NAV1: variants seen among roughly 807,000 people sequenced by gnomAD.
NAV1 encodes pore membrane and/or filament interacting like protein 3.
In NAV1, 18 loss-of-function variants were observed where a neutral mutation model predicts 175.2. The ratio of observed to expected loss-of-function variants is 0.10; its 90% CI spans 0.07 to 0.15. The LOEUF is 0.15. Ranked by LOEUF, NAV1 falls within the 10% of genes least tolerant of loss-of-function variation. The pLI is 1.00. For missense variants in NAV1, 1,731 were observed against 2,436.6 expected, an observed-to-expected ratio of 0.71 and a Z score of 6.10; for synonymous variants, 897 against 978.7, an observed-to-expected ratio of 0.92 and a Z score of 1.56.
intron 1 of NAV1, among the ~76,000 whole-genome samples, chr1:201,572,022 G>A (rs1036202592): frequency 1.3e-5 from 2 of 152,140 alleles, no homozygotes; most frequent in African/African-American, 4.8e-5. Context: ...TCATCTGATC[G>A]CTCATTCCAC....
At chr1:201,627,012 G>A (rs556689816) in intron 1 of NAV1, among the ~76,000 whole-genome samples, 2 of 152,344 alleles carry the variant, frequency 1.3e-5, no homozygotes, top group African/African-American at 4.8e-5. Context: ...TGGCCCATAT[G>A]ACTGATGTAA....
chr1:201,647,596 C>T (rs1042256378), upstream of NAV1, among the ~76,000 whole-genome samples: 2 of 152,152 alleles, frequency 1.3e-5, no homozygotes, highest in South Asian at 2.1e-4. Flanking sequence ...CCCTCAGCCC[C>T]CTCCCCAGTC....
At chr1:201,642,759 C>G (rs1668837697) in intron 2 of NAV1, among the ~76,000 whole-genome samples, 1 of 136,074 alleles carries the variant, frequency 7.3e-6, no homozygotes, top group Non-Finnish European at 1.6e-5. Context: ...TCCTTCTTTT[C>G]TTTTCTTTTC....
At chr1:201,546,252 G>A (rs1665669287) in intron 1 of NAV1, among the ~76,000 whole-genome samples, 1 of 152,216 alleles carries the variant, frequency 6.6e-6, no homozygotes, top group South Asian at 2.1e-4. Flanking sequence ...CGTGCTGCCC[G>A]TTGGACCCTG....
chr1:201,600,952 T>C lies in NAV1; in HGVS notation c.-33+12303T>C, dbSNP rs77232838. ...CTCTGCCAAAGCTGTTCAGTAAACC[T>C]GCTGTTCTCTTTTCCTCTTCCCAAG... On this transcript the variant is annotated intron_variant, in intron 2 of 33. Transcript: ENST00000685211. Among the ~76,000 whole-genome samples the C allele has an allele frequency of 6.8e-3, 1,040 of 152,324 alleles. 15 individuals carry two copies. Among genetic ancestry groups the C allele is most frequent in the African/African-American group, 0.024 (998 of 41,548 alleles).
chr1:201,610,191 T>C (rs1667805249), intron 2 of NAV1, among the ~76,000 whole-genome samples: 1 of 152,202 alleles, frequency 6.6e-6, no homozygotes, highest in African/African-American at 2.4e-5. Context: ...CTGTGATTTG[T>C]GGGACAGTTT....
At chr1:201,581,212 C>G (rs1261106302) in intron 1 of NAV1, among the ~76,000 whole-genome samples, 1 of 152,094 alleles carries the variant, frequency 6.6e-6, no homozygotes, top group Non-Finnish European at 1.5e-5. Context: ...GTTTTTGTTA[C>G]GGTTCGAGTG....
intron 1 of NAV1, among the ~76,000 whole-genome samples, chr1:201,657,757 G>C (rs1336511): frequency 0.72 from 109,504 of 152,174 alleles, 39,635 homozygotes; most frequent in Admixed American, 0.78. Context: ...TCTGGCCAGG[G>C]AAAGTGGTTC....
chr1:201,703,486 T>G (rs662852), intron 1 of NAV1, among the ~76,000 whole-genome samples: 129,409 of 152,224 alleles, frequency 0.85, 55,078 homozygotes, highest in East Asian at 0.94. Context: ...GGTGGAGAAG[T>G]CAGGATAGCA....
intron 3 of NAV1, among the ~76,000 whole-genome samples, chr1:201,776,952 A>C (rs1296397939): frequency 6.6e-6 from 1 of 152,186 alleles, no homozygotes; most frequent in Non-Finnish European, 1.5e-5. Flanking sequence ...GAGACAAAAA[A>C]AAACAGGTCA....
rs190164708 is a variant in NAV1 at position 201,722,709 on chromosome 1, A to G, written c.1226+3954A>G. Among the ~76,000 whole-genome samples the G allele has an allele frequency of 5.9e-5, 9 of 152,322 alleles. No homozygotes were observed. The East Asian group carries it at 1.5e-3, about 26-fold the overall frequency. On this transcript the variant is annotated intron_variant, in intron 3 of 29. Coordinates refer to ENST00000367296, the Ensembl canonical transcript of NAV1. ...TTGAGGAACCACCATACCGTTTTCC[A>G]CAATGGCTGCACCATTTGATATTTC...
intron 1 of NAV1, among the ~76,000 whole-genome samples, chr1:201,583,863 G>A (rs1666943668): frequency 6.6e-6 from 1 of 152,158 alleles, no homozygotes; most frequent in Admixed American, 6.5e-5. Flanking sequence ...GAGCCAGTCA[G>A]GACCTTCAGC....
chr1:201,674,705 TGTG>T (rs1670175446), intron 1 of NAV1, among the ~76,000 whole-genome samples: 1 of 151,994 alleles, frequency 6.6e-6, no homozygotes, highest in South Asian at 2.1e-4. Context: ...AAGAGAGAGT[TGTG>T]GGGGTAAGTG....
chr1:201,766,402 G>C (rs1675212979), intron 3 of NAV1, among the ~76,000 whole-genome samples: 1 of 152,200 alleles, frequency 6.6e-6, no homozygotes, highest in Non-Finnish European at 1.5e-5. Flanking sequence ...ATGAGGAGTA[G>C]GAGAGGTTAC....
intron 1 of NAV1, among the ~76,000 whole-genome samples, chr1:201,660,442 C>T (rs982286066): frequency 1.3e-5 from 2 of 152,186 alleles, no homozygotes; most frequent in African/African-American, 4.8e-5. Flanking sequence ...GGCCTCCCTA[C>T]TTGGCACCCC....
intron 2 of NAV1, among the ~76,000 whole-genome samples, chr1:201,605,776 AG>A (rs1182109353): frequency 6.6e-6 from 1 of 152,154 alleles, no homozygotes; most frequent in African/African-American, 2.4e-5. Context: ...AGCTGCATCT[AG>A]GGGAGGGCTA....
At chr1:201,805,624 T>G (rs779627940) in intron 17 of NAV1, among the ~76,000 whole-genome samples, 3 of 152,182 alleles carry the variant, frequency 2.0e-5, no homozygotes, top group Admixed American at 6.5e-5. Flanking sequence ...AGATGCTCCT[T>G]AAAATGTGAT....
chr1:201,700,244 TAAAC>T (rs1326504719), intron 1 of NAV1, among the ~76,000 whole-genome samples: 1 of 151,942 alleles, frequency 6.6e-6, no homozygotes, highest in Non-Finnish European at 1.5e-5. Context: ...TTTACAAGAA[TAAAC>T]AAACAACCCC....
intron 1 of NAV1, among the ~76,000 whole-genome samples, chr1:201,543,810 TA>T (rs1665587385): frequency 6.6e-6 from 1 of 152,224 alleles, no homozygotes; most frequent in Admixed American, 6.5e-5. Context: ...CTGTACTCAT[TA>T]AAGAGTAACT....
Sources: gnomAD v4.1 joint callset for allele counts (sites outside exome capture counted in the v4.1 genomes callset) on GRCh38, gnomAD v4.1.1 for gene constraint, MANE v1.5 for transcripts, NCBI Gene and HGNC (gene_info 2026-07-23, HGNC 2026-07-21) for gene names.